Variants in ZNF385D observed in about 807,000 individuals in gnomAD.
ZNF385D encodes zinc finger protein 385D.
In ZNF385D, 15 loss-of-function variants were observed where a neutral mutation model predicts 35.8. The observed-to-expected ratio is 0.42, with a 90% CI of 0.28 to 0.64. The LOEUF (loss-of-function observed/expected upper bound fraction) is 0.64, where lower values mean the gene tolerates loss of function less well. Ranked by LOEUF, ZNF385D falls within the 30% of genes least tolerant of loss-of-function variation. ZNF385D has a pLI of 0.23. For missense variants in ZNF385D, 474 were observed against 494.6 expected (o/e 0.96, Z 0.39); for synonymous variants, 212 against 186.8 (o/e 1.13, Z -1.10).
At chr3:21,691,152 G>T (rs2067271648) in intron 1 of ZNF385D, among the ~76,000 whole-genome samples, 1 of 151,810 alleles carries the variant, frequency 6.6e-6, no homozygotes, top group African/African-American at 2.4e-5. Context: ...TTTAACTTTT[G>T]ACCGCAGCTG....
chr3:22,329,462 T>C (rs1694834641), intron 2 of ZNF385D, among the ~76,000 whole-genome samples: 1 of 152,222 alleles, frequency 6.6e-6, no homozygotes, highest in Admixed American at 6.5e-5. Flanking sequence ...CCTGAGGTTC[T>C]TCAATTTTAC....
intron 3 of ZNF385D, among the ~76,000 whole-genome samples, chr3:21,961,181 G>A (rs945685319): frequency 1.3e-5 from 2 of 151,958 alleles, no homozygotes; most frequent in African/African-American, 4.8e-5. Context: ...TATGCCGTAA[G>A]TATGTGCAAT....
At chr3:22,148,560 A>G (rs1460483440) in intron 3 of ZNF385D, among the ~76,000 whole-genome samples, 3 of 152,216 alleles carry the variant, frequency 2.0e-5, no homozygotes, top group Non-Finnish European at 2.9e-5. Context: ...GTATATGAGT[A>G]AACAAGTGAA....
intron 2 of ZNF385D, among the ~76,000 whole-genome samples, chr3:22,182,805 G>T (rs956824669): frequency 6.6e-6 from 1 of 151,952 alleles, no homozygotes; most frequent in African/African-American, 2.4e-5. Context: ...GTACTGCAGG[G>T]TAGTAAATTT....
At chr3:22,109,150 T>C (rs183068680) in intron 3 of ZNF385D, among the ~76,000 whole-genome samples, 1 of 152,208 alleles carries the variant, frequency 6.6e-6, no homozygotes, top group Non-Finnish European at 1.5e-5. Flanking sequence ...ATTTGACTTC[T>C]GCTCCTTCAA....
At chr3:21,448,695 C>G (rs931144606) in intron 4 of ZNF385D, among the ~76,000 whole-genome samples, 8 of 152,122 alleles carry the variant, frequency 5.3e-5, no homozygotes, top group African/African-American at 1.9e-4. Context: ...GTCTCTTCCC[C>G]AGCAAAGCTA....
At chr3:21,805,327 G>T (rs1004331289) in intron 3 of ZNF385D, among the ~76,000 whole-genome samples, 3 of 152,246 alleles carry the variant, frequency 2.0e-5, no homozygotes, top group South Asian at 4.2e-4. Flanking sequence ...TGTGGAAATA[G>T]GTTGTAAATC....
At chr3:21,530,324 GC>G (rs2061893440) in intron 3 of ZNF385D, among the ~76,000 whole-genome samples, 1 of 152,174 alleles carries the variant, frequency 6.6e-6, no homozygotes, top group African/African-American at 2.4e-5. Context: ...GCTCTTCTTT[GC>G]TTTGTGAGAA....
Position 21,422,452 on chromosome 3 carries a change from C to T in ZNF385D, c.955-1005G>A, listed in dbSNP as rs1275076320. On this transcript the variant is annotated intron_variant, in intron 7 of 7. Coordinates refer to ENST00000281523, the MANE Select transcript of ZNF385D (RefSeq NM_024697.3). ...TGCCTTGCTGTACAGATTATTTCAT[C>T]TCCCAAAATTGAGGAGGAACTTCTC... is the stretch of plus-strand genomic sequence containing the variant. Among the ~76,000 whole-genome samples, 4 of 152,106 alleles carry T rather than the reference C, an allele frequency of 2.6e-5. No individual in the cohort carries two copies. In the East Asian group the frequency reaches 7.7e-4, roughly 29 times the overall value.
intron 3 of ZNF385D, among the ~76,000 whole-genome samples, chr3:21,789,888 G>GTTGGGTTCTTTCAAC (rs2071856086): frequency 6.6e-6 from 1 of 152,166 alleles, no homozygotes; most frequent in Non-Finnish European, 1.5e-5. Flanking sequence ...ACTTGTCACT[G>GTTGGGTTCTTTCAAC]TTGTCAGATT....
chr3:22,311,572 G>C (rs772564801), intron 2 of ZNF385D, among the ~76,000 whole-genome samples: 1 of 151,966 alleles, frequency 6.6e-6, no homozygotes, highest in Non-Finnish European at 1.5e-5. Context: ...GGTGGAAAAA[G>C]TCAAGGAAAA....
At chr3:21,703,602 T>G (rs2067777464) in intron 1 of ZNF385D, among the ~76,000 whole-genome samples, 1 of 152,136 alleles carries the variant, frequency 6.6e-6, no homozygotes, top group Non-Finnish European at 1.5e-5. Flanking sequence ...AAAATAAACT[T>G]TTTAAATAAA....
At chr3:21,897,897 G>A (rs78195577) in intron 3 of ZNF385D, among the ~76,000 whole-genome samples, 2,342 of 152,176 alleles carry the variant, frequency 0.015, 17 homozygotes, top group Non-Finnish European at 0.02. Flanking sequence ...TCAATACCCA[G>A]CATGGATTTA....
intron 3 of ZNF385D, among the ~76,000 whole-genome samples, chr3:21,563,513 C>T (rs926374259): frequency 6.6e-6 from 1 of 152,138 alleles, no homozygotes; most frequent in African/African-American, 2.4e-5. Context: ...ATGTTCTCTT[C>T]AAAGAGGAAT....
At chr3:21,888,468 G>T (rs1229427968) in intron 3 of ZNF385D, among the ~76,000 whole-genome samples, 1 of 152,084 alleles carries the variant, frequency 6.6e-6, no homozygotes, top group South Asian at 2.1e-4. Flanking sequence ...GGGATTTCTC[G>T]TGGTTCCTAG....
At chr3:21,799,639 T>A (rs2072308950) in intron 3 of ZNF385D, among the ~76,000 whole-genome samples, 1 of 152,156 alleles carries the variant, frequency 6.6e-6, no homozygotes, top group South Asian at 2.1e-4. Flanking sequence ...TGTCATCGAG[T>A]TCTAAGAGTC....
intron 2 of ZNF385D, among the ~76,000 whole-genome samples, chr3:22,281,024 A>C (rs1187540465): frequency 1.3e-5 from 2 of 151,816 alleles, no homozygotes; most frequent in Non-Finnish European, 2.9e-5. Context: ...TGAGTTCTTG[A>C]TCTGATTCTC....
At chr3:22,238,519 G>C (rs981736309) in intron 2 of ZNF385D, among the ~76,000 whole-genome samples, 5 of 150,452 alleles carry the variant, frequency 3.3e-5, no homozygotes, top group African/African-American at 1.2e-4. Context: ...TAGTATACAA[G>C]TTTTACACTT....
intron 5 of ZNF385D, among the ~76,000 whole-genome samples, chr3:21,428,642 T>C (rs954381980): frequency 6.6e-6 from 1 of 152,072 alleles, no homozygotes; most frequent in African/African-American, 2.4e-5. Context: ...TGCGAAGATA[T>C]GGCTCTGTGT....
Sources: allele counts gnomAD v4.1 joint callset (sites outside exome capture counted in the v4.1 genomes callset), GRCh38; gene constraint gnomAD v4.1.1; transcripts MANE v1.5; gene names NCBI Gene and HGNC (gene_info 2026-07-23, HGNC 2026-07-21).